TAF3: variants seen among roughly 807,000 people sequenced by gnomAD.
TAF3 encodes the protein TATA-box binding protein associated factor 3.
TAF3 carries 7 observed loss-of-function variants against 80.6 expected under a neutral mutation model. That is an observed-to-expected ratio of 0.09 (90% confidence interval 0.05 to 0.16). The LOEUF (loss-of-function observed/expected upper bound fraction) is 0.16. TAF3 is among the 10% of genes least tolerant of loss of function. The pLI is 1.00. For synonymous variants in TAF3, 444 were observed against 446.1 expected (o/e 1.00, Z 0.06); for missense variants, 921 against 1,140.2 (o/e 0.81, Z 2.77).
intron 2 of TAF3, among the ~76,000 whole-genome samples, chr10:7,962,230 A>G (rs967464973): frequency 2.6e-5 from 4 of 152,120 alleles, no homozygotes; most frequent in Admixed American, 6.5e-5. Context: ...TATCCATTCT[A>G]TCCTCAGAAT....
At position 7,935,583 on chromosome 10, in the gene TAF3, C is replaced by CAAAT. The variant is rs929748428; in HGVS notation, c.410-28321_410-28318dup. On this transcript the variant is annotated intron_variant, in intron 2 of 6. Coordinates refer to ENST00000344293, the MANE Select transcript of TAF3 (RefSeq NM_031923.4). ...TGAGTGACAGAGAGAGACAACGTCT[C>CAAAT]AAATAAATAAATAAATAAAGCAAGC... Among the ~76,000 whole-genome samples, 12 of 151,908 alleles carry CAAAT rather than the reference C, an allele frequency of 7.9e-5. No individual in the cohort carries two copies. In the South Asian group the frequency reaches 8.3e-4, roughly 11 times the overall value.
rs765224974 is a variant in TAF3, at chr10:7,977,215, G to A, written c.2233-26G>A. The A allele has an allele frequency of 3.7e-6, 6 of 1,611,584 alleles. No homozygotes were observed. In the East Asian group the frequency reaches 6.7e-5, roughly 18 times the overall value. On this transcript the variant is annotated intron_variant, in intron 3 of 6. Transcript: ENST00000344293. Reference sequence around the variant, plus strand: ...GGTACTTTTGTTGAAAAACCATATTGAACTTTAATGTGCTAACTTCCACAG... The same window carrying A: ...GGTACTTTTGTTGAAAAACCATATTAAACTTTAATGTGCTAACTTCCACAG...
At chr10:7,858,820 G>A (rs1356863762) in intron 2 of TAF3, among the ~76,000 whole-genome samples, 1 of 137,880 alleles carries the variant, frequency 7.3e-6, no homozygotes, top group Admixed American at 7.7e-5. Context: ...GTGTGTGTGT[G>A]TGTGTGTGCG....
intron 2 of TAF3, among the ~76,000 whole-genome samples, chr10:7,833,247 G>A (rs760575909): frequency 1.3e-5 from 2 of 152,146 alleles, no homozygotes; most frequent in Non-Finnish European, 2.9e-5. Flanking sequence ...GGATTATATG[G>A]TAATTCTATT....
At chr10:7,998,258 T>C (rs1194619892) in intron 4 of TAF3, among the ~76,000 whole-genome samples, 1 of 99,704 alleles carries the variant, frequency 1.0e-5, no homozygotes, top group East Asian at 3.0e-4. Flanking sequence ...TATATATATA[T>C]ATATATGTAT....
chr10:8,013,944 T>C, intron 6 of TAF3, 107 bp downstream of exon 6: 1 of 907,400 alleles, frequency 1.1e-6, no homozygotes, highest in Admixed American at 1.8e-5. Context: ...GACCCAGGGC[T>C]GTCCTAGGGA....
At chr10:7,886,500 T>G (rs1453285087) in intron 2 of TAF3, among the ~76,000 whole-genome samples, 2 of 152,274 alleles carry the variant, frequency 1.3e-5, no homozygotes. Context: ...GTTTTTGCAT[T>G]TATAGACCTG....
intron 2 of TAF3, among the ~76,000 whole-genome samples, chr10:7,853,375 A>G (rs1488352904): frequency 6.6e-6 from 1 of 152,222 alleles, no homozygotes; most frequent in East Asian, 1.9e-4. Context: ...GAGTGTTTAC[A>G]TCACAGCAGT....
At chr10:7,882,102 G>A (rs558858211) in intron 2 of TAF3, among the ~76,000 whole-genome samples, 1 of 152,168 alleles carries the variant, frequency 6.6e-6, no homozygotes, top group Non-Finnish European at 1.5e-5. Flanking sequence ...TTCCTATACT[G>A]ATGCATTATA....
At chr10:7,820,844 A>G (rs1836683294) in intron 1 of TAF3, among the ~76,000 whole-genome samples, 1 of 152,214 alleles carries the variant, frequency 6.6e-6, no homozygotes, top group Non-Finnish European at 1.5e-5. Flanking sequence ...GTGCATTTTT[A>G]TCTTGAAAGT....
intron 2 of TAF3, among the ~76,000 whole-genome samples, chr10:7,930,308 A>G (rs1459657354): frequency 6.6e-6 from 1 of 152,244 alleles, no homozygotes; most frequent in Non-Finnish European, 1.5e-5. Flanking sequence ...GAGGAAAAAG[A>G]GAAATACTTA....
At chr10:7,934,063 C>G (rs111510888) in intron 2 of TAF3, among the ~76,000 whole-genome samples, 51 of 152,232 alleles carry the variant, frequency 3.4e-4, no homozygotes, top group African/African-American at 1.2e-3. Flanking sequence ...CTAACACTCT[C>G]GATAGCGTAG....
At chr10:7,916,811 A>G (rs1837715565) in intron 2 of TAF3, among the ~76,000 whole-genome samples, 1 of 152,212 alleles carries the variant, frequency 6.6e-6, no homozygotes, top group Non-Finnish European at 1.5e-5. Context: ...TCTTCTTTCA[A>G]CAATGGTGCT....
chr10:7,909,086 C>T (rs1036411107), intron 2 of TAF3, among the ~76,000 whole-genome samples: 2 of 152,252 alleles, frequency 1.3e-5, no homozygotes, highest in African/African-American at 2.4e-5. Context: ...TCACCTCTCC[C>T]GTGGAGGCCT....
At chr10:7,956,299 C>T (rs1407895807) in intron 2 of TAF3, among the ~76,000 whole-genome samples, 2 of 152,028 alleles carry the variant, frequency 1.3e-5, no homozygotes, top group Non-Finnish European at 2.9e-5. Context: ...ACCAGCCTGC[C>T]AGCATAGTGA....
chr10:7,866,258 T>G (rs929075268), intron 2 of TAF3, among the ~76,000 whole-genome samples: 9 of 152,166 alleles, frequency 5.9e-5, no homozygotes, highest in African/African-American at 2.2e-4. Flanking sequence ...GAGCAGTCAA[T>G]AAATAGGCAG....
chr10:7,997,339 T>G (rs1173706507), intron 4 of TAF3, among the ~76,000 whole-genome samples: 1 of 152,230 alleles, frequency 6.6e-6, no homozygotes, highest in Non-Finnish European at 1.5e-5. Context: ...ATAATTTGGA[T>G]TACTGGTTTC....
At chr10:7,880,703 A>AT (rs148420898) in intron 2 of TAF3, among the ~76,000 whole-genome samples, 2,842 of 151,332 alleles carry the variant, frequency 0.019, 21 homozygotes, top group African/African-American at 0.023. Context: ...ATCTAGGTGG[A>AT]TTTTTTTTTA....
At chr10:7,913,171 C>G (rs892523704) in intron 2 of TAF3, among the ~76,000 whole-genome samples, 1 of 152,112 alleles carries the variant, frequency 6.6e-6, no homozygotes, top group Admixed American at 6.5e-5. Flanking sequence ...CTATTCTGAC[C>G]TCATGTAACC....
Sources: gnomAD v4.1 joint callset for allele counts (sites outside exome capture counted in the v4.1 genomes callset) on GRCh38, gnomAD v4.1.1 for gene constraint, MANE v1.5 for transcripts, NCBI Gene and HGNC (gene_info 2026-07-23, HGNC 2026-07-21) for gene names.